The following ST18 variants were observed in gnomAD, a reference collection of about 807,000 sequenced individuals.
ST18 encodes the protein ST18 C2H2C-type zinc finger transcription factor, also known as suppression of tumorigenicity 18 protein.
A neutral mutation model predicts 110.0 loss-of-function variants in ST18; 50 were observed. The observed-to-expected ratio is 0.45, with a 90% CI of 0.36 to 0.58. ST18 has a LOEUF of 0.58. Among genes scored for constraint, ST18 ranks in the 20% least tolerant of loss-of-function variants. ST18 has a pLI of 0.00. For missense variants in ST18, 1,306 were observed against 1,280.1 expected, an observed-to-expected ratio of 1.02 and a Z score of -0.31; for synonymous variants, 461 against 452.4, an observed-to-expected ratio of 1.02 and a Z score of -0.24.
intron 15 of ST18, among the ~76,000 whole-genome samples, chr8:52,151,988 G>C (rs2058931888): frequency 6.6e-6 from 1 of 152,134 alleles, no homozygotes; most frequent in African/African-American, 2.4e-5. Context: ...GTTTTTACAG[G>C]CAAAAATTCT....
chr8:52,356,425 A>ATTT (rs1822779704), intron 2 of ST18, among the ~76,000 whole-genome samples: 1 of 152,326 alleles, frequency 6.6e-6, no homozygotes, highest in Non-Finnish European at 1.5e-5. Context: ...CTTTATAAAA[A>ATTT]TAGTTTAGAA....
At chr8:52,299,017 G>T (rs2095674905) in intron 2 of ST18, among the ~76,000 whole-genome samples, 1 of 152,120 alleles carries the variant, frequency 6.6e-6, no homozygotes, top group African/African-American at 2.4e-5. Context: ...CTTTGGAATT[G>T]TTGGGTTTCC....
chr8:52,346,699 T>G (rs1166718717), intron 2 of ST18, among the ~76,000 whole-genome samples: 2 of 152,220 alleles, frequency 1.3e-5, no homozygotes, highest in African/African-American at 4.8e-5. Flanking sequence ...AAATATTTTT[T>G]TTAACCTAGA....
chr8:52,174,712 A>G (rs1230897328), intron 9 of ST18, among the ~76,000 whole-genome samples: 1 of 152,204 alleles, frequency 6.6e-6, no homozygotes, highest in African/African-American at 2.4e-5. Context: ...GTTATATGCT[A>G]AAAGAAAATA....
chr8:52,251,139 C>T (rs1014851603), intron 2 of ST18, among the ~76,000 whole-genome samples: 5 of 151,946 alleles, frequency 3.3e-5, no homozygotes, highest in East Asian at 1.9e-4. Context: ...TGATCAAAAA[C>T]GGAGATTGGA....
chr8:52,200,624 G>A (rs1331314047), intron 8 of ST18, among the ~76,000 whole-genome samples: 1 of 152,208 alleles, frequency 6.6e-6, no homozygotes, highest in Non-Finnish European at 1.5e-5. Flanking sequence ...AAGAACAGAG[G>A]CAGGAAAGCC....
intron 2 of ST18, chr8:52,405,209 G>A (rs1844053577): frequency 6.6e-6 from 1 of 152,158 alleles, no homozygotes; most frequent in African/African-American, 2.4e-5. Flanking sequence ...CGAGACTCAG[G>A]ATTCATATAT....
intron 25 of ST18, 91 bp from the exon 26 acceptor site, chr8:52,113,429 G>C (rs1038827365): frequency 1.1e-5 from 16 of 1,507,096 alleles, no homozygotes; most frequent in Non-Finnish European, 1.4e-5. Flanking sequence ...AGTGATCCGG[G>C]AGTCGGGAGG....
Position 52,172,292 on chromosome 8 carries a change from T to A in ST18, c.569A>T (p.Asp190Val), listed in dbSNP as rs1195263266. 1.9e-6 allele frequency: 3 copies of A among 1,614,098 alleles called. No homozygotes were observed. In the South Asian group the frequency reaches 3.3e-5, roughly 18 times the overall value. Reference protein sequence around the residue: ...DDSQPPFCSSDDNESNSESAE... With the variant: ...DDSQPPFCSSVDNESNSESAE... ...ACTTTCAGAGTTACTTTCATTGTCA[T>A]CAGAGGAGCAGAAGGGTGGCTGAGA... is the stretch of plus-strand genomic sequence containing the variant. Residue 190 changes from aspartate (D) to valine (V), a missense_variant, in exon 10 of 26, where the codon GAT becomes GTT. By Grantham distance (152) the Asp-to-Val change is radical. Transcript: ENST00000689386.
chr8:52,150,842 C>G (rs1175400413), intron 15 of ST18: 1 of 152,142 alleles, frequency 6.6e-6, no homozygotes, highest in Non-Finnish European at 1.5e-5. Context: ...GAACAGTACC[C>G]CATTCTGTAT....
At chr8:52,132,525 T>A (rs760427056) in intron 21 of ST18, among the ~76,000 whole-genome samples, 1 of 152,216 alleles carries the variant, frequency 6.6e-6, no homozygotes. Flanking sequence ...CTATGTTATG[T>A]TGCTTCCGAA....
At chr8:52,408,914 C>G (rs983662365) in intron 2 of ST18, 1 of 152,232 alleles carries the variant, frequency 6.6e-6, no homozygotes, top group Non-Finnish European at 1.5e-5. Context: ...TACTTCTCAT[C>G]TGAGCACAGA....
intron 2 of ST18, among the ~76,000 whole-genome samples, chr8:52,399,159 T>C (rs1345060541): frequency 6.6e-6 from 1 of 152,186 alleles, no homozygotes; most frequent in African/African-American, 2.4e-5. Flanking sequence ...CCTGATTCAA[T>C]CTTGGTAGGT....
At chr8:52,397,155 T>A (rs1377416150) in intron 2 of ST18, among the ~76,000 whole-genome samples, 1 of 152,214 alleles carries the variant, frequency 6.6e-6, no homozygotes, top group Non-Finnish European at 1.5e-5. Flanking sequence ...ATCTCTGTCT[T>A]TTTGATAATA....
At chr8:52,317,330 C>T (rs1000244273) in intron 2 of ST18, among the ~76,000 whole-genome samples, 8 of 152,108 alleles carry the variant, frequency 5.3e-5, no homozygotes, top group African/African-American at 1.9e-4. Flanking sequence ...AGGGGAAGGC[C>T]GTGTGAATGA....
At chr8:52,154,219 A>G (rs954667323) in intron 15 of ST18, among the ~76,000 whole-genome samples, 1 of 152,236 alleles carries the variant, frequency 6.6e-6, no homozygotes, top group South Asian at 2.1e-4. Flanking sequence ...AGGCGGCATC[A>G]GGGTTCTCAC....
intron 19 of ST18, among the ~76,000 whole-genome samples, chr8:52,135,568 C>CAAAAAAAAAA (rs71252929): frequency 8.9e-5 from 5 of 56,152 alleles, no homozygotes; most frequent in African/African-American, 1.1e-4. Context: ...AACTCCATCT[C>CAAAAAAAAAA]AAAAAAAAAA....
At chr8:52,357,207 T>C (rs374299049) in intron 2 of ST18, among the ~76,000 whole-genome samples, 3 of 152,146 alleles carry the variant, frequency 2.0e-5, no homozygotes, top group African/African-American at 7.2e-5. Context: ...CATTTATCCT[T>C]TGTGTTACAA....
At chr8:52,204,387 C>T (rs1000187907) in intron 8 of ST18, among the ~76,000 whole-genome samples, 5 of 152,082 alleles carry the variant, frequency 3.3e-5, no homozygotes, top group East Asian at 1.9e-4. Context: ...TCCAAACGCC[C>T]GTTAATTTCT....
Sources: allele counts gnomAD v4.1 joint callset (sites outside exome capture counted in the v4.1 genomes callset), GRCh38; gene constraint gnomAD v4.1.1; transcripts MANE v1.5; gene names NCBI Gene and HGNC (gene_info 2026-07-23, HGNC 2026-07-21).